Variants in UNC5D observed in about 807,000 individuals in gnomAD.
UNC5D encodes unc-5 netrin receptor D, also known as netrin receptor UNC5D.
Under a neutral mutation model 105.4 loss-of-function variants are expected in UNC5D, and 39 were observed. The observed-to-expected ratio is 0.37, with a 90% CI of 0.29 to 0.48. The LOEUF is 0.48. UNC5D is among the 20% of genes least tolerant of loss of function. The pLI, the probability that UNC5D is intolerant of heterozygous loss-of-function variation, is 0.98. For synonymous variants in UNC5D, 452 were observed against 450.4 expected (o/e 1.00, Z -0.04); for missense variants, 991 against 1,202.4 (o/e 0.82, Z 2.60).
intron 1 of UNC5D, among the ~76,000 whole-genome samples, chr8:35,365,025 T>C (rs1277024918): frequency 6.6e-6 from 1 of 152,158 alleles, no homozygotes. Flanking sequence ...ATAATAGAGT[T>C]AGTTTCACTT....
intron 1 of UNC5D, among the ~76,000 whole-genome samples, chr8:35,340,482 A>C (rs776359788): frequency 1.3e-5 from 2 of 152,202 alleles, no homozygotes; most frequent in Non-Finnish European, 2.9e-5. Flanking sequence ...GAGGGTTCAC[A>C]GGGAAGTTAT....
intron 1 of UNC5D, among the ~76,000 whole-genome samples, chr8:35,528,039 G>GTTT (rs398007485): frequency 5.4e-4 from 68 of 125,082 alleles, no homozygotes; most frequent in East Asian, 1.2e-3. Context: ...GAAACAGCTG[G>GTTT]TTTTTTTTTT....
intron 4 of UNC5D, among the ~76,000 whole-genome samples, chr8:35,669,509 C>A (rs1021647427): frequency 1.3e-5 from 2 of 151,996 alleles, no homozygotes; most frequent in African/African-American, 4.8e-5. Context: ...TTCTATCCAT[C>A]CTATTTTACC....
intron 4 of UNC5D, among the ~76,000 whole-genome samples, chr8:35,628,958 T>C (rs1430337373): frequency 1.3e-5 from 2 of 152,304 alleles, no homozygotes; most frequent in South Asian, 4.1e-4. Context: ...AATCTCAAAA[T>C]GAAAACAGTC....
intron 1 of UNC5D, among the ~76,000 whole-genome samples, chr8:35,322,799 G>A (rs2980405): frequency 0.82 from 124,818 of 152,166 alleles, 51,646 homozygotes; most frequent in East Asian, 1. Context: ...GATTTCTTAA[G>A]CGATCTTTCT....
At chr8:35,631,343 G>T (rs1393551660) in intron 4 of UNC5D, among the ~76,000 whole-genome samples, 3 of 151,792 alleles carry the variant, frequency 2.0e-5, no homozygotes, top group African/African-American at 4.8e-5. Flanking sequence ...TGGCCTGACT[G>T]CTTTGTTTTA....
At chr8:35,587,347 C>T (rs1818857127) in intron 3 of UNC5D, among the ~76,000 whole-genome samples, 1 of 152,154 alleles carries the variant, frequency 6.6e-6, no homozygotes, top group South Asian at 2.1e-4. Flanking sequence ...GTTATTTTAG[C>T]ATCATTGCAG....
chr8:35,610,900 T>C (rs1820632060), intron 4 of UNC5D, among the ~76,000 whole-genome samples: 2 of 151,444 alleles, frequency 1.3e-5, no homozygotes, highest in Non-Finnish European at 2.9e-5. Flanking sequence ...GCCAACAGAC[T>C]CTGGCTACTA....
chr8:35,743,416 T>G (rs918089272), intron 11 of UNC5D, among the ~76,000 whole-genome samples: 39 of 151,730 alleles, frequency 2.6e-4, no homozygotes, highest in African/African-American at 9.2e-4. Context: ...ACTACAGGCA[T>G]GCACCACCAC....
chr8:35,299,332 G>C (rs982763045), intron 1 of UNC5D, among the ~76,000 whole-genome samples: 1 of 152,178 alleles, frequency 6.6e-6, no homozygotes, highest in Non-Finnish European at 1.5e-5. Context: ...TGCCAGGAGA[G>C]AGTTGCTAAG....
rs4626589 is a variant in UNC5D at position 35,726,998 on chromosome 8, A to T, written c.1681+469A>T. 1,523 of 158,322 alleles carry T rather than the reference A, an allele frequency of 9.6e-3. 27 individuals are homozygous for T. Among genetic ancestry groups the T allele is most frequent in the African/African-American group, 0.035 (1,466 of 41,646 alleles). 9.8% of individuals were successfully genotyped at this position (158,322 alleles called of 1,614,324 possible). A position where few individuals can be genotyped will look rare whatever the true frequency, so the allele number is the denominator to read the frequency against. The stretch of plus-strand genomic sequence containing the variant: ...ATGAACACTCCATAGCCCTTGCTAT[A>T]GTGTTACTTTCTGGTGAGCAACGAT... On this transcript the variant is annotated intron_variant, in intron 10 of 16. Coordinates refer to ENST00000404895, the MANE Select transcript of UNC5D (RefSeq NM_080872.4).
chr8:35,239,654 G>C (rs1408965342), intron 1 of UNC5D, among the ~76,000 whole-genome samples: 2 of 152,104 alleles, frequency 1.3e-5, no homozygotes, highest in Admixed American at 1.3e-4. Context: ...AGGGAGCCCA[G>C]ATGTGCCCTC....
intron 4 of UNC5D, among the ~76,000 whole-genome samples, chr8:35,612,294 C>G (rs2130985976): frequency 6.6e-6 from 1 of 152,288 alleles, no homozygotes; most frequent in East Asian, 1.9e-4. Context: ...TCTTGCTCAG[C>G]CCCAAATCAG....
chr8:35,790,285 C>A, intron 16 of UNC5D, 74 bp from the exon 17 acceptor site: 2 of 1,469,590 alleles, frequency 1.4e-6, no homozygotes, highest in Non-Finnish European at 1.9e-6. Flanking sequence ...TTTTAATTCT[C>A]TTATGGTGAT....
At chr8:35,464,623 C>T (rs1809161139) in intron 1 of UNC5D, among the ~76,000 whole-genome samples, 1 of 151,868 alleles carries the variant, frequency 6.6e-6, no homozygotes, top group Admixed American at 6.6e-5. Context: ...AGCCTTTTTC[C>T]TCTGTTTCCT....
Position 35,790,925 on chromosome 8 carries a change from A to G in UNC5D, c.*362A>G. The G allele has an allele frequency of 4.0e-6, 1 of 247,568 alleles. No homozygotes were observed. Among genetic ancestry groups the G allele is most frequent in the South Asian group, 6.8e-5 (1 of 14,772 alleles). The allele number at this position is 247,568 out of a possible 1,614,324, so 15.3% of individuals were successfully genotyped here. ...GTGCATGCTTTGAAATAGGTTTTTA[A>G]TGATGTGCCCCAAAGGGCCAGCTGA... On this transcript the variant is annotated 3_prime_UTR_variant, in exon 17 of 17. Coordinates refer to ENST00000404895, the MANE Select transcript of UNC5D (RefSeq NM_080872.4).
Position 35,615,314 on chromosome 8 carries a change from A to G in UNC5D, c.570+19657A>G, listed in dbSNP as rs113328798. On this transcript the variant is annotated intron_variant, in intron 4 of 16. Coordinates refer to ENST00000404895, the MANE Select transcript of UNC5D (RefSeq NM_080872.4). Reference sequence around the variant, plus strand: ...TACATTATCAGCCCTCTTTCTTTCTAAGAATGACTCTCTGACAATGTTATT... The same window carrying G: ...TACATTATCAGCCCTCTTTCTTTCTGAGAATGACTCTCTGACAATGTTATT... Among the ~76,000 whole-genome samples the G allele has an allele frequency of 6.0e-3, 920 of 152,130 alleles. 7 individuals are homozygous for G. The highest frequency in any genetic ancestry group is 9.5e-3 in the Admixed American group (145 of 15,288).
At chr8:35,649,560 A>G (rs541932532) in intron 4 of UNC5D, among the ~76,000 whole-genome samples, 8 of 152,304 alleles carry the variant, frequency 5.3e-5, no homozygotes, top group South Asian at 2.1e-4. Flanking sequence ...CTCCTTTTCA[A>G]TCAACACTAT....
Position 35,461,174 on chromosome 8 carries a change from A to T in UNC5D, c.104-88118A>T, listed in dbSNP as rs539019094. Among the ~76,000 whole-genome samples, 83 of 152,280 alleles carry T rather than the reference A, an allele frequency of 5.5e-4. 1 individual carries two copies. Among genetic ancestry groups the T allele is most frequent in the Non-Finnish European group, 1.1e-3 (74 of 68,028 alleles). ...CTGGGTAGTTAGCAGAAAGTTACAGAGCTCATAGTCTTTCCCAGGAACGGT... is the reference window on the plus strand; with the variant it reads ...CTGGGTAGTTAGCAGAAAGTTACAGTGCTCATAGTCTTTCCCAGGAACGGT... On this transcript the variant is annotated intron_variant, in intron 1 of 16. Coordinates refer to ENST00000404895, the MANE Select transcript of UNC5D (RefSeq NM_080872.4).
Sources: gnomAD v4.1 joint callset for allele counts (sites outside exome capture counted in the v4.1 genomes callset) on GRCh38, gnomAD v4.1.1 for gene constraint, MANE v1.5 for transcripts, NCBI Gene and HGNC (gene_info 2026-07-23, HGNC 2026-07-21) for gene names.